The following ESRRG variants were observed in gnomAD, a reference collection of about 807,000 sequenced individuals.
ESRRG encodes estrogen-related receptor gamma.
ESRRG carries 13 observed loss-of-function variants against 44.0 expected under a neutral mutation model. The ratio of observed to expected loss-of-function variants is 0.30; its 90% confidence interval spans 0.19 to 0.47. The LOEUF is 0.47. Ranked by LOEUF, ESRRG falls within the 20% of genes least tolerant of loss-of-function variation. ESRRG has a pLI of 1.00. For synonymous variants in ESRRG, 215 were observed against 214.6 expected (o/e 1.00, Z -0.02); for missense variants, 395 against 580.6 (o/e 0.68, Z 3.29).
At chr1:217,082,217 C>G (rs1363530251) in intron 1 of ESRRG, among the ~76,000 whole-genome samples, 3 of 152,120 alleles carry the variant, frequency 2.0e-5, no homozygotes, top group African/African-American at 4.8e-5. Context: ...ATGTACCAAC[C>G]GAAGACCACT....
chr1:216,987,493 C>T (rs567302328), intron 1 of ESRRG, among the ~76,000 whole-genome samples: 146 of 152,206 alleles, frequency 9.6e-4, no homozygotes, highest in Non-Finnish European at 1.9e-3. Flanking sequence ...GATACCATTA[C>T]AATCCTACTT....
chr1:216,939,743 AT>A (rs2064898225), intron 1 of ESRRG: 1 of 150,766 alleles, frequency 6.6e-6, no homozygotes, highest in Admixed American at 6.6e-5. Context: ...AGTAAGGTCA[AT>A]TTTCTCGGCC....
chr1:216,970,705 A>G (rs1376555537), intron 1 of ESRRG, among the ~76,000 whole-genome samples: 10 of 152,298 alleles, frequency 6.6e-5, no homozygotes, highest in Middle Eastern at 3.4e-3. Context: ...TTGACCATCT[A>G]AAAGGACATT....
At chr1:217,078,159 T>C (rs2091473684) in intron 1 of ESRRG, 1 of 152,244 alleles carries the variant, frequency 6.6e-6, no homozygotes, top group Admixed American at 6.5e-5. Flanking sequence ...TTCCAAGAGT[T>C]TGGTGCAGTT....
intron 2 of ESRRG, among the ~76,000 whole-genome samples, chr1:216,884,498 G>T (rs1423232353): frequency 6.6e-6 from 1 of 152,092 alleles, no homozygotes; most frequent in Non-Finnish European, 1.5e-5. Context: ...ACTTCCTTAG[G>T]CTTCTCGTGG....
chr1:216,617,096 G>A (rs1272029844), intron 3 of ESRRG, among the ~76,000 whole-genome samples: 2 of 152,040 alleles, frequency 1.3e-5, no homozygotes, highest in Admixed American at 6.6e-5. Flanking sequence ...TTCAATGTTT[G>A]TTATATGATG....
At position 216,797,556 on chromosome 1, in the gene ESRRG, A is replaced by G. The variant is rs1020214065; in HGVS notation, c.-13-120065T>C. The stretch of plus-strand genomic sequence containing the variant: ...AACACAGGTTACGTAAAGGGGGGAA[A>G]AAAATCCCATTACCATAGGATTTTC... On this transcript the variant is annotated intron_variant, in intron 2 of 7. Coordinates refer to the ESRRG transcript ENST00000359162. Among the ~76,000 whole-genome samples, 9 of 152,192 alleles carry G rather than the reference A, an allele frequency of 5.9e-5. No individual in the cohort carries two copies. In the East Asian group the frequency reaches 1.7e-3, roughly 29 times the overall value.
chr1:216,619,702 A>T (rs766002075), intron 3 of ESRRG, among the ~76,000 whole-genome samples: 1 of 152,214 alleles, frequency 6.6e-6, no homozygotes, highest in Non-Finnish European at 1.5e-5. Context: ...TTTTGAGGTT[A>T]ACATTAAAAT....
intron 3 of ESRRG, among the ~76,000 whole-genome samples, chr1:216,618,017 A>G (rs17624857): frequency 0.074 from 11,264 of 152,256 alleles, 420 homozygotes; most frequent in Admixed American, 0.088. Flanking sequence ...GAGATTCTAG[A>G]GTAACATACA....
chr1:216,673,298 A>G (rs573973897), intron 2 of ESRRG, among the ~76,000 whole-genome samples: 1 of 152,328 alleles, frequency 6.6e-6, no homozygotes, highest in Non-Finnish European at 1.5e-5. Flanking sequence ...TTACTGCTCT[A>G]ATTATTACAT....
At chr1:216,768,450 TTATCTATC>T (rs79038947) in intron 2 of ESRRG, among the ~76,000 whole-genome samples, 1,800 of 114,728 alleles carry the variant, frequency 0.016, 10 homozygotes, top group Non-Finnish European at 0.018. Flanking sequence ...CTATCTATCA[TTATCTATC>T]TATCTATCTA....
intron 1 of ESRRG, among the ~76,000 whole-genome samples, chr1:217,045,719 T>TC (rs2084758322): frequency 6.6e-6 from 1 of 151,788 alleles, no homozygotes; most frequent in Non-Finnish European, 1.5e-5. Context: ...CGTTTTTTTT[T>TC]CATTTGATCA....
rs866195994 is a variant in ESRRG at position 216,779,258 on chromosome 1, T to C, written c.-13-101767A>G. Among the ~76,000 whole-genome samples, 272 of 42,698 alleles carry C rather than the reference T, an allele frequency of 6.4e-3. 12 individuals carry two copies. Among genetic ancestry groups the C allele is most frequent in the African/African-American group, 0.011 (111 of 9,712 alleles). 28.0% of individuals were successfully genotyped at this position (42,698 alleles called of 152,430 possible). ...ATAAATATATATTTATATTTATAAATATAAATATATATTTATATTTATAAA... is the reference window on the plus strand; with the variant it reads ...ATAAATATATATTTATATTTATAAACATAAATATATATTTATATTTATAAA... On this transcript the variant is annotated intron_variant, in intron 2 of 7. Transcript: ENST00000359162.
intron 1 of ESRRG, among the ~76,000 whole-genome samples, chr1:216,997,317 A>G (rs1394389250): frequency 2.0e-5 from 3 of 152,152 alleles, no homozygotes; most frequent in Non-Finnish European, 4.4e-5. Flanking sequence ...CTTAAAGACA[A>G]CCCTGCAGAA....
At chr1:216,831,799 C>T (rs1178630423) in intron 2 of ESRRG, among the ~76,000 whole-genome samples, 1 of 113,480 alleles carries the variant, frequency 8.8e-6, no homozygotes, top group Non-Finnish European at 2.3e-5. Context: ...AAATGTGGGG[C>T]CTGGTCAGAA....
At chr1:216,563,237 C>T (rs2059105352) in intron 5 of ESRRG, among the ~76,000 whole-genome samples, 1 of 152,154 alleles carries the variant, frequency 6.6e-6, no homozygotes, top group Admixed American at 6.6e-5. Flanking sequence ...TCAGAAATGT[C>T]AGCTGTGTTC....
At chr1:216,926,971 G>A (rs1409126997) in intron 2 of ESRRG, among the ~76,000 whole-genome samples, 1 of 152,204 alleles carries the variant, frequency 6.6e-6, no homozygotes, top group African/African-American at 2.4e-5. Flanking sequence ...TGGACACTCT[G>A]TCTCACTGGA....
chr1:217,016,587 G>A (rs2079419174), intron 1 of ESRRG, among the ~76,000 whole-genome samples: 1 of 151,888 alleles, frequency 6.6e-6, no homozygotes, highest in African/African-American at 2.4e-5. Flanking sequence ...TCATCACTAG[G>A]GGAAAGTATC....
chr1:217,083,010 C>T (rs900858421), intron 1 of ESRRG, among the ~76,000 whole-genome samples: 1 of 152,184 alleles, frequency 6.6e-6, no homozygotes, highest in African/African-American at 2.4e-5. Context: ...CACCAACCAT[C>T]GCAAGTCTAG....
Sources: allele counts gnomAD v4.1 joint callset (sites outside exome capture counted in the v4.1 genomes callset), GRCh38; gene constraint gnomAD v4.1.1; transcripts MANE v1.5; gene names NCBI Gene and HGNC (gene_info 2026-07-23, HGNC 2026-07-21).